Variants in PDE8B observed in about 807,000 individuals in gnomAD.
PDE8B encodes phosphodiesterase 8B.
In PDE8B, 26 loss-of-function variants were observed where a neutral mutation model predicts 101.3. The ratio of observed to expected loss-of-function variants is 0.26; its 90% CI spans 0.19 to 0.36. The LOEUF is 0.36. Among genes scored for constraint, PDE8B ranks in the 10% least tolerant of loss-of-function variants. The probability of loss-of-function intolerance (pLI) is 1.00; values close to 1 mark genes in which losing one functional copy is unlikely to be tolerated. For synonymous variants in PDE8B, 424 were observed against 429.3 expected (o/e 0.99, Z 0.15); for missense variants, 810 against 1,163.1 (o/e 0.70, Z 4.42).
chr5:77,298,061 A>T (rs950199525), intron 1 of PDE8B, among the ~76,000 whole-genome samples: 1 of 152,168 alleles, frequency 6.6e-6, no homozygotes, highest in South Asian at 2.1e-4. Flanking sequence ...AGTATCTGGC[A>T]CATAATAGAT....
the PDE8B span, among the ~76,000 whole-genome samples, chr5:77,203,977 G>A: frequency 1.3e-5 from 2 of 150,512 alleles, no homozygotes; most frequent in Admixed American, 1.3e-4. Flanking sequence ...AGAAACAGAT[G>A]TGCCTTGTGC....
chr5:77,309,885 G>GCTGGGAT (rs1455760555), intron 1 of PDE8B, among the ~76,000 whole-genome samples: 1 of 150,124 alleles, frequency 6.7e-6, no homozygotes, highest in East Asian at 2.0e-4. Flanking sequence ...CTCCGAAAAT[G>GCTGGGAT]CTGGGATTAC....
At chr5:77,298,163 G>C (rs571340865) in intron 1 of PDE8B, among the ~76,000 whole-genome samples, 2 of 152,170 alleles carry the variant, frequency 1.3e-5, no homozygotes, top group Non-Finnish European at 2.9e-5. Flanking sequence ...CCATATGCTA[G>C]TACCTGCCTC....
intron 20 of PDE8B, among the ~76,000 whole-genome samples, chr5:77,423,796 C>G (rs1433982823): frequency 6.6e-6 from 1 of 151,500 alleles, no homozygotes; most frequent in African/African-American, 2.4e-5. Context: ...ACTGCCATGC[C>G]CGGCTAATTT....
Position 77,426,745 on chromosome 5 carries a change from A to G in PDE8B, c.*191A>G, listed in dbSNP as rs1382450021. ...AGTTATGTTCCATGAAGAAAAATAT[A>G]TGTTCTTTTGAATACTTAATGACAG... On this transcript the variant is annotated 3_prime_UTR_variant, in exon 22 of 22. Transcript: ENST00000264917. The G allele has an allele frequency of 1.6e-6, 1 of 608,042 alleles. No individual in the cohort carries two copies. Among genetic ancestry groups the G allele is most frequent in the East Asian group, 2.9e-5 (1 of 34,318 alleles). The allele number at this position is 608,042 out of a possible 1,614,324, so 37.7% of individuals were successfully genotyped here. A position where few individuals can be genotyped will look rare whatever the true frequency, so the allele number is the denominator to read the frequency against.
the PDE8B span, among the ~76,000 whole-genome samples, chr5:77,180,755 C>T: frequency 6.6e-6 from 1 of 152,100 alleles, no homozygotes; most frequent in African/African-American, 2.4e-5. Context: ...AGACAGCCGC[C>T]GTTCGCGTCC....
intron 10 of PDE8B, among the ~76,000 whole-genome samples, chr5:77,364,053 C>G (rs993489229): frequency 2.0e-5 from 3 of 152,128 alleles, no homozygotes; most frequent in African/African-American, 7.2e-5. Context: ...GAGTGAAAAG[C>G]TAAGAGAGTG....
At chr5:77,416,016 G>A (rs1457622093) in intron 17 of PDE8B, among the ~76,000 whole-genome samples, 1 of 152,176 alleles carries the variant, frequency 6.6e-6, no homozygotes, top group Non-Finnish European at 1.5e-5. Flanking sequence ...GTTTGGTGGG[G>A]TTTTCTTCCA....
the PDE8B span, among the ~76,000 whole-genome samples, chr5:77,150,707 C>T: frequency 6.6e-6 from 1 of 152,236 alleles, no homozygotes; most frequent in Non-Finnish European, 1.5e-5. Flanking sequence ...TATAAGAGGA[C>T]CAAAGGAGAC....
At chr5:77,221,341 C>A (rs375227022) in intron 1 of PDE8B, among the ~76,000 whole-genome samples, 2 of 152,098 alleles carry the variant, frequency 1.3e-5, no homozygotes, top group Non-Finnish European at 1.5e-5. Context: ...TGTAGATTTT[C>A]CCCCAATCTA....
intron 1 of PDE8B, among the ~76,000 whole-genome samples, chr5:77,302,280 G>T (rs1770128134): frequency 6.6e-6 from 1 of 152,318 alleles, no homozygotes; most frequent in Non-Finnish European, 1.5e-5. Flanking sequence ...CAGGCACAGT[G>T]GGATGTAGCA....
chr5:77,404,867 T>G (rs1358097019), intron 12 of PDE8B, 70 bp downstream of exon 12: 1 of 973,798 alleles, frequency 1.0e-6, no homozygotes, highest in East Asian at 2.4e-5. Flanking sequence ...TGTTAAAAAA[T>G]TCATCAGCGT....
chr5:77,265,674 C>T (rs559539742), intron 1 of PDE8B, among the ~76,000 whole-genome samples: 3 of 152,320 alleles, frequency 2.0e-5, no homozygotes, highest in Admixed American at 6.5e-5. Flanking sequence ...AGTACCTTCC[C>T]TCTCTGGGCT....
rs747534024 is a variant in PDE8B, at chr5:77,210,886, CGCGGGCGCGG to C, written c.-30_-21del. On this transcript the variant is annotated 5_prime_UTR_variant, in exon 1 of 22. Transcript: ENST00000264917. The surrounding 1 kb of genome is among the most constrained non-coding windows in gnomAD (Gnocchi z 4.9). Reference sequence around the variant, plus strand: ...AGCGGGTGCGCTGGGTCCCGGCGGCCGCGGGCGCGGGCGGGCGCGCGGGGGAGCCCGGCCG... The same window carrying C: ...AGCGGGTGCGCTGGGTCCCGGCGGCCGCGGGCGCGCGGGGGAGCCCGGCCG... 46 of 1,246,582 alleles carry C rather than the reference CGCGGGCGCGG, an allele frequency of 3.7e-5. No homozygotes were observed. Among genetic ancestry groups the C allele is most frequent in the Non-Finnish European group, 4.5e-5 (45 of 1,000,372 alleles). 77.2% of individuals were successfully genotyped at this position (1,246,582 alleles called of 1,614,324 possible).
At chr5:77,178,966 A>C in the PDE8B span, among the ~76,000 whole-genome samples, 1 of 152,218 alleles carries the variant, frequency 6.6e-6, no homozygotes, top group Admixed American at 6.5e-5. Context: ...GTATAACTTA[A>C]TCTATGAAGT....
At chr5:77,191,599 C>T in the PDE8B span, among the ~76,000 whole-genome samples, 26 of 152,198 alleles carry the variant, frequency 1.7e-4, no homozygotes, top group East Asian at 3.7e-3. Flanking sequence ...GTGATCCACC[C>T]GTCTCGGCCT....
chr5:77,217,729 GTC>G (rs1263765791), intron 1 of PDE8B, among the ~76,000 whole-genome samples: 2 of 152,028 alleles, frequency 1.3e-5, no homozygotes, highest in Non-Finnish European at 2.9e-5. Context: ...TAGAGATGGG[GTC>G]TCGCCACGTT....
the PDE8B span, among the ~76,000 whole-genome samples, chr5:77,115,648 C>T: frequency 2.0e-5 from 3 of 152,138 alleles, no homozygotes; most frequent in Admixed American, 2.0e-4. Context: ...CCTGAAGGAC[C>T]TGAGGATGAT....
the PDE8B span, chr5:77,140,975 T>C: frequency 3.3e-5 from 5 of 152,192 alleles, no homozygotes; most frequent in East Asian, 9.6e-4. Context: ...CATGTGTATA[T>C]ATAGATATAT....
Sources: gnomAD v4.1 joint callset for allele counts (sites outside exome capture counted in the v4.1 genomes callset) on GRCh38, gnomAD v4.1.1 for gene constraint, Gnocchi (gnomAD v3.1) non-coding constraint, MANE v1.5 for transcripts, NCBI Gene and HGNC (gene_info 2026-07-23, HGNC 2026-07-21) for gene names.